CDC123: variants seen among roughly 807,000 people sequenced by gnomAD.
CDC123 encodes cell division cycle 123.
A neutral mutation model predicts 54.4 loss-of-function variants in CDC123; 37 were observed. That is an observed-to-expected ratio of 0.68 (90% CI 0.52 to 0.89). The LOEUF (loss-of-function observed/expected upper bound fraction) is 0.89, where lower values mean the gene tolerates loss of function less well. CDC123 is among the 40% of genes least tolerant of loss of function. The pLI is 0.00. For missense variants in CDC123, 361 were observed against 412.1 expected (o/e 0.88, Z 1.07); for synonymous variants, 144 against 136.8 (o/e 1.05, Z -0.37).
At chr10:12,200,120 A>ATTT (rs543337462) in intron 2 of CDC123, among the ~76,000 whole-genome samples, 1,170 of 59,316 alleles carry the variant, frequency 0.02, 103 homozygotes, top group African/African-American at 0.047. Context: ...CGCACTCGGC[A>ATTT]TTTTTTTTTT....
chr10:12,245,390 G>A (rs1219949089), intron 10 of CDC123: 1 of 152,300 alleles, frequency 6.6e-6, no homozygotes, highest in East Asian at 1.9e-4. Flanking sequence ...TAAGTAGCTA[G>A]GACTACAGGC....
chr10:12,246,578 GACC>G, intron 11 of CDC123: 1 of 231,406 alleles, frequency 4.3e-6, no homozygotes, highest in Non-Finnish European at 8.5e-6. Context: ...TGTTCCTTCT[GACC>G]CCAGCCCCAG....
rs554452802 is a variant in CDC123, at chr10:12,206,725, A to G, written c.147-3242A>G. Among the ~76,000 whole-genome samples the G allele has an allele frequency of 2.8e-3, 429 of 152,262 alleles. 1 individual carries two copies. Among genetic ancestry groups the G allele is most frequent in the Non-Finnish European group, 5.1e-3 (345 of 68,020 alleles). The stretch of plus-strand genomic sequence containing the variant: ...TGTAATCCCAGTGCTTTAGGAGGCC[A>G]AGGAGGGCGGATCACAAGGTCAGGA... On this transcript the variant is annotated intron_variant, in intron 2 of 12. Coordinates refer to ENST00000281141, the MANE Select transcript of CDC123 (RefSeq NM_006023.3).
Position 12,203,199 on chromosome 10 carries a change from C to T in CDC123, c.146+4423C>T, listed in dbSNP as rs183612840. Reference sequence around the variant, plus strand: ...TACTTCACAAGAAAGTGGGAGATGGCTGTGGAGGTCTGCCATGGACCCTAA... The same window carrying T: ...TACTTCACAAGAAAGTGGGAGATGGTTGTGGAGGTCTGCCATGGACCCTAA... On this transcript the variant is annotated intron_variant, in intron 2 of 12. Coordinates refer to ENST00000281141, the MANE Select transcript of CDC123 (RefSeq NM_006023.3). Among the ~76,000 whole-genome samples the T allele has an allele frequency of 1.6e-4, 25 of 152,330 alleles. No individual in the cohort carries two copies. In the East Asian group the frequency reaches 4.4e-3, roughly 27 times the overall value.
chr10:12,233,539 G>A (rs1017038837), intron 7 of CDC123, among the ~76,000 whole-genome samples: 1 of 152,026 alleles, frequency 6.6e-6, no homozygotes, highest in Admixed American at 6.6e-5. Context: ...CCAATAAATT[G>A]TGTGCTACAA....
chr10:12,196,384 T>TA lies in CDC123; in HGVS notation c.74+66dup, dbSNP rs1317388053. On this transcript the variant is annotated intron_variant, in intron 1 of 12. Coordinates refer to ENST00000281141, the MANE Select transcript of CDC123 (RefSeq NM_006023.3). ...GGAACTGCGACTTCTGAGCGAATCTTACTGCTATCCAAAAAAATGCAGGCC... is the reference window on the plus strand; with the variant it reads ...GGAACTGCGACTTCTGAGCGAATCTTAACTGCTATCCAAAAAAATGCAGGCC... The TA allele has an allele frequency of 9.3e-6, 15 of 1,607,440 alleles. No homozygotes were observed. In the Admixed American group the frequency reaches 1.5e-4, roughly 16 times the overall value.
At chr10:12,227,965 C>T (rs927269121) in intron 6 of CDC123, among the ~76,000 whole-genome samples, 1 of 152,066 alleles carries the variant, frequency 6.6e-6, no homozygotes, top group Admixed American at 6.5e-5. Flanking sequence ...ATTTTTGAGG[C>T]AGGATCTCAC....
At chr10:12,243,108 T>C (rs1359363152) in intron 10 of CDC123, among the ~76,000 whole-genome samples, 2 of 134,474 alleles carry the variant, frequency 1.5e-5, no homozygotes, top group Non-Finnish European at 3.4e-5. Flanking sequence ...CATTTAAAAA[T>C]GTGTTTTGGG....
intron 10 of CDC123, among the ~76,000 whole-genome samples, chr10:12,244,177 G>C (rs1381617335): frequency 1.3e-5 from 2 of 152,200 alleles, no homozygotes; most frequent in African/African-American, 2.4e-5. Flanking sequence ...GTTTGCTCTC[G>C]CTCAGCTGAG....
chr10:12,242,617 C>A (rs984641641), intron 10 of CDC123, among the ~76,000 whole-genome samples: 2 of 152,174 alleles, frequency 1.3e-5, no homozygotes, highest in African/African-American at 2.4e-5. Context: ...GAATTAACTT[C>A]TCAGGCTGTT....
chr10:12,200,987 C>T (rs1456793775), intron 2 of CDC123, among the ~76,000 whole-genome samples: 1 of 152,084 alleles, frequency 6.6e-6, no homozygotes, highest in Non-Finnish European at 1.5e-5. Flanking sequence ...CAGTAACCCA[C>T]AAATCACATA....
intron 9 of CDC123, among the ~76,000 whole-genome samples, chr10:12,237,829 A>G (rs766199819): frequency 2.0e-5 from 3 of 152,236 alleles, no homozygotes; most frequent in Non-Finnish European, 4.4e-5. Flanking sequence ...CAAAGGGGCT[A>G]TCTACAGAGA....
rs374418792 is a variant in CDC123, at chr10:12,210,921, G to A, written c.237+599G>A. On this transcript the variant is annotated intron_variant, in intron 4 of 12. Coordinates refer to ENST00000281141, the MANE Select transcript of CDC123 (RefSeq NM_006023.3). Reference sequence around the variant, plus strand: ...TCACCATGTTAGCCATGGTAGTCTCGAACTCCTGACCTCATGTGATAACAC... The same window carrying A: ...TCACCATGTTAGCCATGGTAGTCTCAAACTCCTGACCTCATGTGATAACAC... Among the ~76,000 whole-genome samples the A allele has an allele frequency of 5.9e-4, 89 of 152,074 alleles. 1 individual carries two copies. The highest frequency in any genetic ancestry group is 2.0e-3 in the African/African-American group (83 of 41,496).
chr10:12,237,007 C>G, intron 8 of CDC123, 137 bp from the exon 9 acceptor site: 1 of 920,622 alleles, frequency 1.1e-6, no homozygotes, highest in Non-Finnish European at 1.5e-6. Context: ...ACAGCTGGGT[C>G]GTGTGTAATG....
rs190468929 is a variant in CDC123, at chr10:12,206,894, C to G, written c.147-3073C>G. ...GAATGGCCTGAACCCGGGAGGTAGA[C>G]CTTGCAATGAGCTGAAATCACGCCA... On this transcript the variant is annotated intron_variant, in intron 2 of 12. Coordinates refer to ENST00000281141, the MANE Select transcript of CDC123 (RefSeq NM_006023.3). Among the ~76,000 whole-genome samples, 165 of 149,058 alleles carry G rather than the reference C, an allele frequency of 1.1e-3. 1 individual carries two copies. The highest frequency in any genetic ancestry group is 8.9e-4 in the Non-Finnish European group (60 of 67,592).
chr10:12,230,947 G>A lies in CDC123; in HGVS notation c.441-1G>A. 1 of 1,611,554 alleles carries A rather than the reference G, an allele frequency of 6.2e-7. No individual in the cohort carries two copies. The highest frequency in any genetic ancestry group is 2.2e-5 in the East Asian group (1 of 44,792). ...AGTTGCCTTTTCTTCTTCTTCCAAAGGTTTATTCATTGTACTGATGATTCT... is the reference window on the plus strand; with the variant it reads ...AGTTGCCTTTTCTTCTTCTTCCAAAAGTTTATTCATTGTACTGATGATTCT... On this transcript the variant is annotated splice_acceptor_variant, in intron 6 of 12. Transcript: ENST00000281141. LOFTEE classifies it high-confidence loss of function.
chr10:12,224,918 G>T (rs1450469270), intron 6 of CDC123, among the ~76,000 whole-genome samples: 1 of 152,116 alleles, frequency 6.6e-6, no homozygotes, highest in East Asian at 1.9e-4. Context: ...GGCCCTGAAG[G>T]CTATGCTTGG....
intron 6 of CDC123, among the ~76,000 whole-genome samples, chr10:12,228,820 T>C (rs1220550095): frequency 6.6e-6 from 1 of 152,230 alleles, no homozygotes; most frequent in East Asian, 1.9e-4. Context: ...TCTGCCCGCC[T>C]CGGCCTCCCA....
At chr10:12,234,156 G>A (rs1032687936) in intron 7 of CDC123, among the ~76,000 whole-genome samples, 11 of 152,054 alleles carry the variant, frequency 7.2e-5, no homozygotes, top group African/African-American at 1.9e-4. Flanking sequence ...GCAGTGTGGC[G>A]CAATCTCGGC....
Sources: gnomAD v4.1 joint callset for allele counts (sites outside exome capture counted in the v4.1 genomes callset) on GRCh38, gnomAD v4.1.1 for gene constraint, MANE v1.5 for transcripts, NCBI Gene and HGNC (gene_info 2026-07-23, HGNC 2026-07-21) for gene names.